The following PPFIA1 variants were observed in gnomAD, a reference collection of about 807,000 sequenced individuals.
PPFIA1 encodes PPFI scaffold protein A1.
A neutral mutation model predicts 149.9 loss-of-function variants in PPFIA1; 25 were observed. The ratio of observed to expected loss-of-function variants is 0.17; its 90% CI spans 0.12 to 0.23. PPFIA1 has a LOEUF of 0.23. Ranked by LOEUF, PPFIA1 falls within the 10% of genes least tolerant of loss-of-function variation. PPFIA1 has a pLI of 1.00. For missense variants in PPFIA1, 1,362 were observed against 1,506.5 expected, an observed-to-expected ratio of 0.90 and a Z score of 1.59; for synonymous variants, 549 against 552.8, an observed-to-expected ratio of 0.99 and a Z score of 0.10.
intron 26 of PPFIA1, 91 bp from the exon 27 acceptor site, chr11:70,381,997 G>A: frequency 8.9e-7 from 1 of 1,123,338 alleles, no homozygotes; most frequent in Non-Finnish European, 1.3e-6. Context: ...CTGTAGGTGT[G>A]AAGATGTGTG....
In PPFIA1 at chr11:70,338,588, G is replaced by T. The variant is rs1317961280; in HGVS notation, c.1571+135G>T. 7.6e-6 allele frequency: 5 copies of T among 660,792 alleles called. No homozygotes were observed. In the African/African-American group the frequency reaches 9.1e-5, roughly 12 times the overall value. 40.9% of individuals were successfully genotyped at this position (660,792 alleles called of 1,614,324 possible). ...CTGTAGCTTAGTAGGAAGCGAGAGA[G>T]AAAAGTAACTCAAAGGTTAGAGCTT... On this transcript the variant is annotated intron_variant, in intron 13 of 27. Transcript: ENST00000253925.
chr11:70,361,430 G>GT (rs1054517409), intron 19 of PPFIA1, among the ~76,000 whole-genome samples: 13 of 151,756 alleles, frequency 8.6e-5, no homozygotes, highest in Non-Finnish European at 1.5e-4. Flanking sequence ...TACTGTATTG[G>GT]TTTTTTTTGT....
At chr11:70,274,561 G>A (rs1306791630) in intron 2 of PPFIA1, among the ~76,000 whole-genome samples, 1 of 152,168 alleles carries the variant, frequency 6.6e-6, no homozygotes, top group Non-Finnish European at 1.5e-5. Flanking sequence ...TCAGCATCAT[G>A]TTTGTGAGAT....
intron 10 of PPFIA1, among the ~76,000 whole-genome samples, chr11:70,333,885 C>G (rs540002678): frequency 6.6e-6 from 1 of 152,234 alleles, no homozygotes; most frequent in African/African-American, 2.4e-5. Flanking sequence ...GCCCCCCTAC[C>G]CCCTGCAAAT....
intron 2 of PPFIA1, among the ~76,000 whole-genome samples, chr11:70,315,861 A>AC (rs903943837): frequency 2.3e-4 from 35 of 149,076 alleles, no homozygotes; most frequent in African/African-American, 8.8e-4. Context: ...CCCATTAAAC[A>AC]CCAACTCCCT....
chr11:70,304,078 G>T (rs182970546), intron 2 of PPFIA1, among the ~76,000 whole-genome samples: 23 of 152,310 alleles, frequency 1.5e-4, no homozygotes, highest in Middle Eastern at 3.4e-3. Flanking sequence ...AGAGGGTTAG[G>T]ACTTTGAGCT....
intron 2 of PPFIA1, among the ~76,000 whole-genome samples, chr11:70,290,653 G>C (rs1449908283): frequency 6.6e-6 from 1 of 152,148 alleles, no homozygotes; most frequent in Non-Finnish European, 1.5e-5. Flanking sequence ...TTCTTATTCG[G>C]AGGAGGAAAT....
intron 2 of PPFIA1, among the ~76,000 whole-genome samples, chr11:70,285,859 G>T (rs544674035): frequency 6.6e-6 from 1 of 152,072 alleles, no homozygotes; most frequent in African/African-American, 2.4e-5. Flanking sequence ...GGCATGCACC[G>T]TTCTAGGTGC....
At chr11:70,315,632 A>G (rs2053562030) in intron 2 of PPFIA1, among the ~76,000 whole-genome samples, 1 of 143,148 alleles carries the variant, frequency 7.0e-6, no homozygotes, top group Non-Finnish European at 1.5e-5. Flanking sequence ...CGTCTTTTTG[A>G]CTGAGAAGAC....
chr11:70,285,611 T>C (rs12272879), intron 2 of PPFIA1, among the ~76,000 whole-genome samples: 33,573 of 146,676 alleles, frequency 0.23, 5,816 homozygotes, highest in African/African-American at 0.49. Context: ...ACCTGGGAGG[T>C]GGAGGTTGCA....
At chr11:70,277,135 C>G (rs2050457967) in intron 2 of PPFIA1, among the ~76,000 whole-genome samples, 1 of 142,684 alleles carries the variant, frequency 7.0e-6, no homozygotes, top group African/African-American at 2.7e-5. Context: ...GGATTTAACT[C>G]CCTCCTACCT....
At chr11:70,327,861 G>T (rs1046203284) in intron 7 of PPFIA1, 1 of 152,114 alleles carries the variant, frequency 6.6e-6, no homozygotes, top group East Asian at 1.9e-4. Context: ...TCTAACCTGC[G>T]CTTTGTCCCT....
intron 2 of PPFIA1, among the ~76,000 whole-genome samples, chr11:70,300,300 G>T (rs554593617): frequency 2.9e-4 from 44 of 152,056 alleles, no homozygotes; most frequent in Non-Finnish European, 5.3e-4. Flanking sequence ...GTTCCTACTG[G>T]GATTCAGGGG....
chr11:70,285,705 A>G (rs1032023663), intron 2 of PPFIA1, among the ~76,000 whole-genome samples: 3 of 151,510 alleles, frequency 2.0e-5, no homozygotes, highest in African/African-American at 4.9e-5. Flanking sequence ...ACCTCTTAAC[A>G]TCACCCATCA....
intron 7 of PPFIA1, among the ~76,000 whole-genome samples, chr11:70,329,186 C>T (rs914418369): frequency 2.6e-5 from 4 of 152,094 alleles, no homozygotes; most frequent in South Asian, 2.1e-4. Flanking sequence ...CCATTTGTAG[C>T]GTGAGGCAGA....
In PPFIA1 at chr11:70,272,376, A is replaced by G. The variant is rs770248829; in HGVS notation, c.204A>G (p.Leu68=). The G allele has an allele frequency of 2.7e-5, 44 of 1,614,120 alleles. No homozygotes were observed. The Admixed American group carries it at 6.7e-4, about 24-fold the overall frequency. ...CGCTGGCCTTAACCCAGGGGAAGTT[A>G]CACGAGGTTGGTCATGAAAGAGATT... ...QETLALTQGK[L]HEVGHERDSL... is the part of the protein sequence containing the mutation. Residue 68 remains leucine (L), a synonymous_variant, in exon 2 of 28, where the codon TTA becomes TTG. Coordinates refer to ENST00000253925, the MANE Select transcript of PPFIA1 (RefSeq NM_003626.5).
chr11:70,316,919 G>A (rs1181777482), intron 2 of PPFIA1, among the ~76,000 whole-genome samples: 1 of 152,156 alleles, frequency 6.6e-6, no homozygotes, highest in African/African-American at 2.4e-5. Context: ...AGCATTATCA[G>A]GCATTATGTG....
chr11:70,333,603 C>G (rs763889206), intron 10 of PPFIA1, 50 bp downstream of exon 10: 2 of 1,459,014 alleles, frequency 1.4e-6, no homozygotes, highest in East Asian at 4.7e-5. Flanking sequence ...GCTGCAAGGT[C>G]ATTGCTCGGC....
intron 3 of PPFIA1, 30 bp downstream of exon 3, chr11:70,324,533 C>T: frequency 2.6e-6 from 4 of 1,532,150 alleles, no homozygotes; most frequent in Middle Eastern, 1.7e-4. Context: ...TCACTGCCTG[C>T]CCCTGGAGCC....
Sources: gnomAD v4.1 joint callset for allele counts (sites outside exome capture counted in the v4.1 genomes callset) on GRCh38, gnomAD v4.1.1 for gene constraint, MANE v1.5 for transcripts, NCBI Gene and HGNC (gene_info 2026-07-23, HGNC 2026-07-21) for gene names.